The following FAM13C variants were observed in gnomAD, a reference collection of about 807,000 sequenced individuals.
The protein encoded by FAM13C is protein FAM13C.
In FAM13C, 37 loss-of-function variants were observed where a neutral mutation model predicts 73.2. The ratio of observed to expected loss-of-function variants is 0.51; its 90% CI spans 0.39 to 0.67. The LOEUF is 0.67. Ranked by LOEUF, FAM13C falls within the 30% of genes least tolerant of loss-of-function variation. FAM13C has a pLI of 0.00. For missense variants in FAM13C, 589 were observed against 715.6 expected, an observed-to-expected ratio of 0.82 and a Z score of 2.02; for synonymous variants, 246 against 260.9, an observed-to-expected ratio of 0.94 and a Z score of 0.55.
At chr10:59,346,351 G>A (rs1854290696) in intron 3 of FAM13C, among the ~76,000 whole-genome samples, 1 of 152,120 alleles carries the variant, frequency 6.6e-6, no homozygotes, top group Non-Finnish European at 1.5e-5. Flanking sequence ...AGGGAGCTTT[G>A]TGTCTGTAGA....
intron 6 of FAM13C, among the ~76,000 whole-genome samples, chr10:59,280,636 T>C (rs1844820776): frequency 6.6e-6 from 1 of 152,206 alleles, no homozygotes; most frequent in Non-Finnish European, 1.5e-5. Context: ...TGCCAGAGAA[T>C]CTCCACATTG....
chr10:59,356,478 T>C (rs1855724706), intron 1 of FAM13C, among the ~76,000 whole-genome samples: 1 of 152,218 alleles, frequency 6.6e-6, no homozygotes. Context: ...TCTCCAGTTC[T>C]CCATCCTGCC....
rs1856529783 is a variant in FAM13C at position 59,362,430 on chromosome 10, C to T, written c.31G>A (p.Asp11Asn). ...ACAGTGGTGCTGCTGAAGGAATTAT[C>T]CTGAAGGCTGAAACAGAAACAAGAA... The part of the protein sequence containing the change: MFSCFCFSLQ[D>N]NSFSSTTVTE... The change falls in exon 1 of 14, where the codon GAT becomes AAT. Residue 11 changes from aspartate to asparagine, a missense_variant. Transcript: ENST00000618804. 6 of 1,613,956 alleles carry T rather than the reference C, an allele frequency of 3.7e-6. No individual in the cohort carries two copies. The East Asian group carries it at 6.7e-5, about 18-fold the overall frequency.
At chr10:59,331,875 C>G (rs1852040854) in intron 3 of FAM13C, among the ~76,000 whole-genome samples, 1 of 152,120 alleles carries the variant, frequency 6.6e-6, no homozygotes. Flanking sequence ...GTGGTGAAAG[C>G]TATTGCTGTT....
rs1321262363 is a variant in FAM13C at position 59,321,431 on chromosome 10, CCTTTTTTTTT to C, written c.443+2547_443+2556del. Among the ~76,000 whole-genome samples, 21 of 109,848 alleles carry C rather than the reference CCTTTTTTTTT, an allele frequency of 1.9e-4. No individual in the cohort carries two copies. The East Asian group carries it at 1.9e-3, about 10-fold the overall frequency. 72.1% of individuals were successfully genotyped at this position (109,848 alleles called of 152,430 possible). On this transcript the variant is annotated intron_variant, in intron 4 of 13. Coordinates refer to ENST00000618804, the MANE Select transcript of FAM13C (RefSeq NM_198215.4). ...AGAAAGGAATGGAGCCCTGCCAACA[CCTTTTTTTTT>C]TTTTTTTTTTTTTTTTTTGGCCCAG...
chr10:59,255,553 C>T (rs1841873972), intron 10 of FAM13C, among the ~76,000 whole-genome samples: 1 of 152,084 alleles, frequency 6.6e-6, no homozygotes. Flanking sequence ...CCCTTTTACT[C>T]TAGTCCAGTG....
chr10:59,362,367 C>T (rs1430048024), intron 1 of FAM13C, 32 bp downstream of exon 1: 2 of 1,610,876 alleles, frequency 1.2e-6, no homozygotes, highest in Non-Finnish European at 1.7e-6. Flanking sequence ...GAAAGGCATG[C>T]AAGTCTAATT....
At chr10:59,266,067 T>TA (rs556796311) in intron 8 of FAM13C, among the ~76,000 whole-genome samples, 58 of 152,268 alleles carry the variant, frequency 3.8e-4, no homozygotes, top group African/African-American at 1.2e-3. Flanking sequence ...GGGAGGGTTA[T>TA]AAAAAGACCT....
intron 6 of FAM13C, among the ~76,000 whole-genome samples, chr10:59,278,554 T>A (rs187127961): frequency 8.5e-5 from 13 of 152,272 alleles, no homozygotes; most frequent in Admixed American, 7.8e-4. Context: ...TATTTCAGGA[T>A]GTTTAACAGA....
chr10:59,340,480 G>C (rs1342861768), intron 3 of FAM13C, among the ~76,000 whole-genome samples: 1 of 152,078 alleles, frequency 6.6e-6, no homozygotes, highest in Non-Finnish European at 1.5e-5. Context: ...TAGCTCACCA[G>C]ATTCCTGCCT....
At chr10:59,272,023 T>C (rs188151183) in intron 6 of FAM13C, among the ~76,000 whole-genome samples, 10 of 152,292 alleles carry the variant, frequency 6.6e-5, no homozygotes, top group Admixed American at 6.5e-4. Flanking sequence ...TGTGAAGCAG[T>C]GCCAGGGAAA....
chr10:59,349,135 C>A (rs1373461279), intron 3 of FAM13C, among the ~76,000 whole-genome samples: 4 of 152,198 alleles, frequency 2.6e-5, no homozygotes, highest in Non-Finnish European at 4.4e-5. Flanking sequence ...TTATTATAAA[C>A]TCTCATCAGA....
chr10:59,319,611 A>G (rs2133992546), intron 4 of FAM13C, among the ~76,000 whole-genome samples: 1 of 152,336 alleles, frequency 6.6e-6, no homozygotes, highest in East Asian at 1.9e-4. Context: ...AGCTTTAAAA[A>G]TCAGTCAAAC....
intron 3 of FAM13C, among the ~76,000 whole-genome samples, chr10:59,346,207 T>A (rs142574358): frequency 1.3e-5 from 2 of 151,384 alleles, no homozygotes; most frequent in Non-Finnish European, 3.0e-5. Context: ...TAGGGGAGGG[T>A]AGAAATGGCC....
chr10:59,254,210 C>T, intron 11 of FAM13C, 138 bp downstream of exon 11: 1 of 494,672 alleles, frequency 2.0e-6, no homozygotes, highest in Non-Finnish European at 3.5e-6. Flanking sequence ...ACCAAATTTT[C>T]ACTTTTTGAA....
chr10:59,340,439 T>C (rs549139651), intron 3 of FAM13C, among the ~76,000 whole-genome samples: 2 of 152,238 alleles, frequency 1.3e-5, no homozygotes, highest in South Asian at 2.1e-4. Flanking sequence ...CCCCAAATCC[T>C]GGAGACAGCA....
At chr10:59,269,527 A>C (rs1415625675) in intron 7 of FAM13C, among the ~76,000 whole-genome samples, 1 of 152,134 alleles carries the variant, frequency 6.6e-6, no homozygotes, top group Non-Finnish European at 1.5e-5. Flanking sequence ...ACAGCTCCCA[A>C]GTGTTCCCAG....
chr10:59,335,614 G>A (rs1852617390), intron 3 of FAM13C, among the ~76,000 whole-genome samples: 1 of 152,160 alleles, frequency 6.6e-6, no homozygotes. Context: ...ATGATGTTGA[G>A]AATAACTGAA....
At chr10:59,299,863 T>C (rs1406678155) in intron 5 of FAM13C, among the ~76,000 whole-genome samples, 1 of 151,956 alleles carries the variant, frequency 6.6e-6, no homozygotes, top group East Asian at 1.9e-4. Flanking sequence ...TTTAATCAGT[T>C]TTTTTCTGGA....
Sources: allele counts gnomAD v4.1 joint callset (sites outside exome capture counted in the v4.1 genomes callset), GRCh38; gene constraint gnomAD v4.1.1; transcripts MANE v1.5; gene names NCBI Gene and HGNC (gene_info 2026-07-23, HGNC 2026-07-21).